SNX7: variants seen among roughly 807,000 people sequenced by gnomAD.
SNX7 encodes the protein sorting nexin-7.
A neutral mutation model predicts 48.4 loss-of-function variants in SNX7; 35 were observed. That is an observed-to-expected ratio of 0.72 (90% CI 0.55 to 0.96). The LOEUF is 0.96. SNX7 is among the 40% of genes least tolerant of loss of function. The probability of loss-of-function intolerance (pLI) is 0.00; values close to 1 mark genes in which losing one functional copy is unlikely to be tolerated. For synonymous variants in SNX7, 190 were observed against 190.2 expected, an observed-to-expected ratio of 1.00 and a Z score of 0.01; for missense variants, 553 against 548.9, an observed-to-expected ratio of 1.01 and a Z score of -0.07.
intron 5 of SNX7, among the ~76,000 whole-genome samples, chr1:98,697,963 C>A (rs543421379): frequency 6.6e-6 from 1 of 152,218 alleles, no homozygotes; most frequent in Admixed American, 6.5e-5. Flanking sequence ...CATGAATGAA[C>A]AAGCAATTTG....
chr1:98,661,590 G>C (rs1330444554), upstream of SNX7: 4 of 776,678 alleles, frequency 5.2e-6, no homozygotes, highest in African/African-American at 1.8e-5. Context: ...CGCTGGTCCC[G>C]GCAGTTCCGC....
intron 1 of SNX7, among the ~76,000 whole-genome samples, chr1:98,668,119 C>G (rs1649642372): frequency 6.6e-6 from 1 of 152,078 alleles, no homozygotes; most frequent in South Asian, 2.1e-4. Flanking sequence ...CTAAGTTTCT[C>G]TTTTTGAGGT....
chr1:98,718,517 T>C (rs372494242), intron 7 of SNX7, among the ~76,000 whole-genome samples: 2 of 152,120 alleles, frequency 1.3e-5, no homozygotes, highest in Non-Finnish European at 2.9e-5. Context: ...CCGTAAGATA[T>C]ATAGTCTTCA....
intron 7 of SNX7, among the ~76,000 whole-genome samples, chr1:98,719,564 T>C (rs1652755371): frequency 6.6e-6 from 1 of 152,144 alleles, no homozygotes. Flanking sequence ...TCTTGATCTC[T>C]GTCTTTCTGA....
At chr1:98,719,202 C>A (rs1301938142) in intron 7 of SNX7, among the ~76,000 whole-genome samples, 3 of 152,182 alleles carry the variant, frequency 2.0e-5, no homozygotes, top group South Asian at 2.1e-4. Flanking sequence ...AATGTGTTAA[C>A]CCATGTAGGG....
rs149677715 is a variant in SNX7, at chr1:98,736,524, T to C, written c.1126-1713T>C. 2.1e-3 allele frequency among the ~76,000 whole-genome samples: 322 copies of C among 152,302 alleles called. 2 individuals are homozygous for C. Among genetic ancestry groups the C allele is most frequent in the African/African-American group, 7.3e-3 (304 of 41,570 alleles). On this transcript the variant is annotated intron_variant, in intron 7 of 8. Coordinates refer to ENST00000306121, the MANE Select transcript of SNX7 (RefSeq NM_015976.5). ...GTAACATCCCATTAGACATGTTCTT[T>C]AAGATTCAGCAAAATACCCAGAAGA... is the stretch of plus-strand genomic sequence containing the variant.
intron 7 of SNX7, among the ~76,000 whole-genome samples, chr1:98,705,178 T>C (rs1375359129): frequency 6.6e-6 from 1 of 152,170 alleles, no homozygotes; most frequent in Non-Finnish European, 1.5e-5. Context: ...GGCTCCTTCT[T>C]AGAGTTTGTG....
At chr1:98,662,702 T>C (rs1649313781) in intron 1 of SNX7, 9 of 1,289,294 alleles carry the variant, frequency 7.0e-6, no homozygotes, top group Non-Finnish European at 9.1e-6. Flanking sequence ...TGCAGGGAGG[T>C]TGAATGTCAC....
chr1:98,748,476 G>C (rs1321337456), intron 8 of SNX7, among the ~76,000 whole-genome samples: 2 of 151,946 alleles, frequency 1.3e-5, no homozygotes, highest in Admixed American at 6.6e-5. Context: ...TAGTTAATCA[G>C]GGATTTGCGT....
chr1:98,698,228 T>G (rs1557805057), intron 5 of SNX7, among the ~76,000 whole-genome samples: 1 of 152,092 alleles, frequency 6.6e-6, no homozygotes, highest in African/African-American at 2.4e-5. Flanking sequence ...GTTTTGGAAT[T>G]GGTGATTTAC....
At chr1:98,678,084 G>C (rs1247296331) in intron 1 of SNX7, among the ~76,000 whole-genome samples, 1 of 151,844 alleles carries the variant, frequency 6.6e-6, no homozygotes, top group Admixed American at 6.6e-5. Context: ...ATAAAGAAAA[G>C]AGGTTCATTT....
intron 7 of SNX7, among the ~76,000 whole-genome samples, chr1:98,726,918 A>G (rs1050474879): frequency 6.6e-6 from 1 of 152,176 alleles, no homozygotes; most frequent in Non-Finnish European, 1.5e-5. Context: ...ACTTAAAAAT[A>G]AAGTTTTTTT....
intron 7 of SNX7, among the ~76,000 whole-genome samples, chr1:98,727,127 G>A (rs555329372): frequency 1.4e-4 from 21 of 152,254 alleles, no homozygotes; most frequent in African/African-American, 3.6e-4. Context: ...GGAGAATGGC[G>A]TGAACCCGGG....
chr1:98,750,358 G>C (rs1311955906), intron 8 of SNX7, among the ~76,000 whole-genome samples: 1 of 151,974 alleles, frequency 6.6e-6, no homozygotes, highest in Non-Finnish European at 1.5e-5. Flanking sequence ...TTAGCTGAGT[G>C]ACCTTGAGGA....
At chr1:98,670,870 T>TTTTATTTA (rs71075409) in intron 1 of SNX7, among the ~76,000 whole-genome samples, 7,339 of 151,044 alleles carry the variant, frequency 0.049, 230 homozygotes, top group African/African-American at 0.09. Context: ...AGACAGTGAG[T>TTTTATTTA]TTTATTTATT....
chr1:98,662,635 G>A (rs1319996857), intron 1 of SNX7: 8 of 1,276,374 alleles, frequency 6.3e-6, no homozygotes, highest in Non-Finnish European at 7.1e-6. Context: ...CTTTTGGTAC[G>A]TGTAGACTGG....
chr1:98,704,012 C>G (rs1237702804), intron 7 of SNX7, among the ~76,000 whole-genome samples: 1 of 150,620 alleles, frequency 6.6e-6, no homozygotes, highest in Non-Finnish European at 1.5e-5. Context: ...GTTCCAAACA[C>G]AAAAGCACAA....
intron 7 of SNX7, among the ~76,000 whole-genome samples, chr1:98,720,472 G>A (rs1652805893): frequency 6.6e-6 from 1 of 151,980 alleles, no homozygotes; most frequent in African/African-American, 2.4e-5. Context: ...ACACATGAAA[G>A]CAATTTTATC....
Position 98,713,465 on chromosome 1 carries a change from A to G in SNX7, c.1125+11562A>G, listed in dbSNP as rs182293619. Reference sequence around the variant, plus strand: ...AATAAGGCTTTTTTTTTGCTTTCTTATAATTCATGTGCTTATTGGAATAGC... The same window carrying G: ...AATAAGGCTTTTTTTTTGCTTTCTTGTAATTCATGTGCTTATTGGAATAGC... On this transcript the variant is annotated intron_variant, in intron 7 of 8. Transcript: ENST00000306121. 4.6e-4 allele frequency among the ~76,000 whole-genome samples: 69 copies of G among 151,468 alleles called. No homozygotes were observed. The Middle Eastern group carries it at 0.01, about 22-fold the overall frequency.
Sources: allele counts gnomAD v4.1 joint callset (sites outside exome capture counted in the v4.1 genomes callset), GRCh38; gene constraint gnomAD v4.1.1; transcripts MANE v1.5; gene names NCBI Gene and HGNC (gene_info 2026-07-23, HGNC 2026-07-21).